The following SYT16 variants were observed in gnomAD, a reference collection of about 807,000 sequenced individuals.
The protein encoded by SYT16 is synaptotagmin 16, also known as synaptotagmin-16.
A neutral mutation model predicts 61.4 loss-of-function variants in SYT16; 42 were observed. The observed-to-expected ratio is 0.68, with a 90% CI of 0.53 to 0.89. SYT16 has a LOEUF of 0.89. Ranked by LOEUF, SYT16 falls within the 40% of genes least tolerant of loss-of-function variation. The probability of loss-of-function intolerance (pLI) is 0.00; values close to 1 mark genes in which losing one functional copy is unlikely to be tolerated. For missense variants in SYT16, 804 were observed against 807.3 expected (o/e 1.00, Z 0.05); for synonymous variants, 314 against 302.3 (o/e 1.04, Z -0.40).
intron 5 of SYT16, 48 bp from the exon 6 acceptor site, chr14:62,080,786 T>C (rs373663631): frequency 1.2e-5 from 19 of 1,536,368 alleles, no homozygotes; most frequent in African/African-American, 8.2e-5. Context: ...CAAAATGTAA[T>C]TGGGTATCAT....
chr14:62,045,908 A>G (rs2054959338), intron 3 of SYT16, among the ~76,000 whole-genome samples: 1 of 152,200 alleles, frequency 6.6e-6, no homozygotes, highest in South Asian at 2.1e-4. Context: ...TGCCGCAATA[A>G]ACATACGTGT....
chr14:61,933,446 G>T (rs551652959), intron 1 of SYT16, among the ~76,000 whole-genome samples: 2 of 152,304 alleles, frequency 1.3e-5, no homozygotes, highest in South Asian at 2.1e-4. Flanking sequence ...CTGAATGTAG[G>T]ACTGTATAGT....
intron 1 of SYT16, among the ~76,000 whole-genome samples, chr14:61,833,578 C>G (rs1466034032): frequency 2.0e-5 from 3 of 151,970 alleles, no homozygotes; most frequent in East Asian, 3.9e-4. Flanking sequence ...AGCCACCGTG[C>G]TTGGCCAATT....
Position 61,953,462 on chromosome 14 carries a change from G to A in SYT16, c.-324-16670G>A, listed in dbSNP as rs908498603. 5.9e-5 allele frequency among the ~76,000 whole-genome samples: 9 copies of A among 151,834 alleles called. No homozygotes were observed. In the East Asian group the frequency reaches 1.7e-3, roughly 29 times the overall value. On this transcript the variant is annotated intron_variant, in intron 1 of 7. Coordinates refer to ENST00000683842, the MANE Select transcript of SYT16 (RefSeq NM_001367656.1). ...GAGGTCTCCAGGAGACCTCTCTCTT[G>A]TACTCTGTGGACCAAGCCTTTTGTT...
chr14:62,045,471 C>G (rs1349923234), intron 3 of SYT16, among the ~76,000 whole-genome samples: 2 of 151,674 alleles, frequency 1.3e-5, no homozygotes, highest in Non-Finnish European at 2.9e-5. Flanking sequence ...TATTATTATA[C>G]TTTAAGTTTT....
At position 61,864,847 on chromosome 14, in the gene SYT16, C is replaced by T. The variant is rs2047087500; in HGVS notation, c.-325+52037C>T. The T allele has an allele frequency of 7.4e-6, 8 of 1,079,494 alleles. No homozygotes were observed. In the South Asian group the frequency reaches 1.1e-4, roughly 15 times the overall value. The allele number at this position is 1,079,494 out of a possible 1,614,324, so 66.9% of individuals were successfully genotyped here. ...ATTATGACGGTGGGCCTTGCTATCGCTGCATATTCTCCCAGCCACCCCCGG... is the reference window on the plus strand; with the variant it reads ...ATTATGACGGTGGGCCTTGCTATCGTTGCATATTCTCCCAGCCACCCCCGG... On this transcript the variant is annotated intron_variant, in intron 1 of 7. Coordinates refer to ENST00000683842, the MANE Select transcript of SYT16 (RefSeq NM_001367656.1).
At chr14:61,978,143 C>G (rs935105317) in intron 2 of SYT16, among the ~76,000 whole-genome samples, 7 of 152,156 alleles carry the variant, frequency 4.6e-5, no homozygotes, top group African/African-American at 7.2e-5. Context: ...AATGAAAGAC[C>G]CTTTTTTCAA....
At chr14:62,084,621 T>C (rs2056826289) in intron 7 of SYT16, among the ~76,000 whole-genome samples, 1 of 152,240 alleles carries the variant, frequency 6.6e-6, no homozygotes, top group Non-Finnish European at 1.5e-5. Context: ...CTATATTGTT[T>C]AAAGGAAAAG....
At chr14:61,981,117 A>G (rs2052055700) in intron 2 of SYT16, among the ~76,000 whole-genome samples, 1 of 152,220 alleles carries the variant, frequency 6.6e-6, no homozygotes, top group Non-Finnish European at 1.5e-5. Flanking sequence ...TGTCTGCTGC[A>G]CAATTCCTTC....
At chr14:62,069,858 A>G (rs747232684) in intron 4 of SYT16, 43 bp downstream of exon 4, 4 of 1,591,164 alleles carry the variant, frequency 2.5e-6, no homozygotes, top group Non-Finnish European at 2.6e-6. Flanking sequence ...AGGGATGGCC[A>G]ATGGTAAGAG....
At chr14:62,009,105 C>T (rs1452886289) in intron 3 of SYT16, among the ~76,000 whole-genome samples, 3 of 152,064 alleles carry the variant, frequency 2.0e-5, no homozygotes, top group Non-Finnish European at 2.9e-5. Context: ...TTCTCTCTGT[C>T]ACCAAAAGAG....
chr14:62,019,081 A>C (rs1425325312), intron 3 of SYT16, among the ~76,000 whole-genome samples: 4 of 152,240 alleles, frequency 2.6e-5, no homozygotes, highest in Non-Finnish European at 4.4e-5. Context: ...TTAGTTTTGT[A>C]ATCAGTGGAA....
chr14:61,941,341 A>G (rs1400728185), intron 1 of SYT16, among the ~76,000 whole-genome samples: 2 of 151,766 alleles, frequency 1.3e-5, no homozygotes, highest in African/African-American at 2.4e-5. Flanking sequence ...TTCAGCTCAT[A>G]TATAAACCAG....
chr14:61,978,068 A>G (rs1352283784), intron 2 of SYT16, among the ~76,000 whole-genome samples: 1 of 152,130 alleles, frequency 6.6e-6, no homozygotes, highest in Non-Finnish European at 1.5e-5. Context: ...TCTCTGTGTC[A>G]TTAGTCACTG....
chr14:61,945,542 ATAC>A lies in SYT16; in HGVS notation c.-324-24587_-324-24585del, dbSNP rs1566704292. Among the ~76,000 whole-genome samples the A allele has an allele frequency of 4.6e-5, 7 of 152,206 alleles. No individual in the cohort carries two copies. The South Asian group carries it at 1.4e-3, about 31-fold the overall frequency. The stretch of plus-strand genomic sequence containing the variant: ...AAATGTGGCATATATACACCATGGA[ATAC>A]TATGCAGTCATAAAAAAGGATGAGT... On this transcript the variant is annotated intron_variant, in intron 1 of 7. Coordinates refer to ENST00000683842, the MANE Select transcript of SYT16 (RefSeq NM_001367656.1).
intron 1 of SYT16, among the ~76,000 whole-genome samples, chr14:61,925,276 A>C (rs2049490607): frequency 1.3e-5 from 2 of 152,022 alleles, no homozygotes; most frequent in Non-Finnish European, 2.9e-5. Flanking sequence ...ATGGGTCTTT[A>C]TGCTGAGGTT....
Position 62,102,260 on chromosome 14 carries a change from T to C in SYT16, c.*1553T>C, listed in dbSNP as rs1345431400. ...TGAAGAACATATTTATTCCTTACAG[T>C]GTGTAATGGTTATCCTGACAAGACC... On this transcript the variant is annotated 3_prime_UTR_variant, in exon 8 of 8. Coordinates refer to ENST00000683842, the MANE Select transcript of SYT16 (RefSeq NM_001367656.1). The C allele has an allele frequency of 6.6e-6, 1 of 152,212 alleles. No homozygotes were observed. The highest frequency in any genetic ancestry group is 1.5e-5 in the Non-Finnish European group (1 of 68,040). 9.4% of individuals were successfully genotyped at this position (152,212 alleles called of 1,614,324 possible).
intron 2 of SYT16, among the ~76,000 whole-genome samples, chr14:61,980,340 T>C (rs925920064): frequency 1.2e-4 from 19 of 152,202 alleles, no homozygotes; most frequent in African/African-American, 4.6e-4. Flanking sequence ...ATATTAAACA[T>C]TTGAAAATTG....
At chr14:61,823,361 A>G (rs2045673858) in intron 1 of SYT16, among the ~76,000 whole-genome samples, 2 of 151,972 alleles carry the variant, frequency 1.3e-5, no homozygotes, top group African/African-American at 4.8e-5. Context: ...AATGCAGTGT[A>G]AAGTTTTAAT....
Sources: allele counts gnomAD v4.1 joint callset (sites outside exome capture counted in the v4.1 genomes callset), GRCh38; gene constraint gnomAD v4.1.1; transcripts MANE v1.5; gene names NCBI Gene and HGNC (gene_info 2026-07-23, HGNC 2026-07-21).